Variants in ZNF256 observed in about 807,000 individuals in gnomAD.
ZNF256 encodes the protein zinc finger protein 256.
Under a neutral mutation model 7.9 loss-of-function variants are expected in ZNF256, and 4 were observed. The observed-to-expected ratio is 0.50, with a 90% CI of 0.25 to 1.15. ZNF256 has a LOEUF of 1.15. Among genes scored for constraint, ZNF256 ranks in the 50% most tolerant of loss-of-function variants. The probability of loss-of-function intolerance (pLI) is 0.15; values close to 1 mark genes in which losing one functional copy is unlikely to be tolerated. For missense variants in ZNF256, 666 were observed against 755.9 expected (o/e 0.88, Z 1.39); for synonymous variants, 260 against 260.4 (o/e 1.00, Z 0.02).
intron 1 of ZNF256, among the ~76,000 whole-genome samples, chr19:57,945,110 T>C (rs1331408396): frequency 6.6e-6 from 1 of 151,906 alleles, no homozygotes; most frequent in Admixed American, 6.6e-5. Context: ...TTAGCCAGGA[T>C]GGTCTTGATC....
chr19:57,943,955 A>G lies in ZNF256; in HGVS notation c.139T>C (p.Leu47=). The change falls in exon 2 of 3, where the codon TTG becomes CTG. Residue 47 remains leucine (L), a synonymous_variant. Coordinates refer to ENST00000282308, the MANE Select transcript of ZNF256 (RefSeq NM_005773.3). Reference sequence around the variant, plus strand: ...TTACCCAGGGAGGTTGTAAGTGTCAAGTTCTCCAGCATCACATCGTGGTAC... The same window carrying G: ...TTACCCAGGGAGGTTGTAAGTGTCAGGTTCTCCAGCATCACATCGTGGTAC... ...CLYHDVMLEN[L]TLTTSLGGSG... The G allele has an allele frequency of 6.2e-7, 1 of 1,614,052 alleles. No individual in the cohort carries two copies. Among genetic ancestry groups the G allele is most frequent in the Non-Finnish European group, 8.5e-7 (1 of 1,179,970 alleles).
intron 1 of ZNF256, 109 bp from the exon 2 acceptor site, chr19:57,944,169 G>C: frequency 6.6e-7 from 1 of 1,508,200 alleles, no homozygotes; most frequent in Non-Finnish European, 9.0e-7. Flanking sequence ...AGCTCTCCAA[G>C]CTCCCCAGCT....
At position 57,942,556 on chromosome 19, in the gene ZNF256, A is replaced by G. The variant is rs1263530232; in HGVS notation, c.252T>C (p.Pro84=). 1.9e-6 allele frequency: 3 copies of G among 1,614,066 alleles called. No homozygotes were observed. Among genetic ancestry groups the G allele is most frequent in the Non-Finnish European group, 2.5e-6 (3 of 1,180,046 alleles). Residue 84 remains proline, a synonymous_variant, in exon 3 of 3, where the codon CCT becomes CCC. Coordinates refer to ENST00000282308, the MANE Select transcript of ZNF256 (RefSeq NM_005773.3). ...VSQVRIPKAL[P]SPQKTNPCEI... ...CACAGGGGTTGGTCTTCTGGGGAGAAGGAAGGGCCTTAGGAATCCTAACCT... is the reference window on the plus strand; with the variant it reads ...CACAGGGGTTGGTCTTCTGGGGAGAGGGAAGGGCCTTAGGAATCCTAACCT...
In ZNF256 at chr19:57,941,097, C is replaced by T. The variant is rs137968069; in HGVS notation, c.1711G>A (p.Gly571Arg). The change falls in exon 3 of 3, where the codon GGA (glycine) becomes AGA (arginine). Residue 571 changes from glycine to arginine, a missense_variant. Physicochemically the swap from Gly to Arg is moderately radical, Grantham distance 125. Transcript: ENST00000282308. Reference sequence around the variant, plus strand: ...TCACTGCATTCATAAGGCCTTTCTCCGGTATGAACTCTTCGGTGTTTAACG... The same window carrying T: ...TCACTGCATTCATAAGGCCTTTCTCTGGTATGAACTCTTCGGTGTTTAACG... ...SLVKHRRVHT[G>R]ERPYECSECG... The T allele has an allele frequency of 2.4e-5, 38 of 1,614,118 alleles. No homozygotes were observed. Among genetic ancestry groups the T allele is most frequent in the South Asian group, 1.2e-4 (11 of 91,076 alleles).
At chr19:57,946,248 T>C (rs922540770) in intron 1 of ZNF256, among the ~76,000 whole-genome samples, 1 of 152,178 alleles carries the variant, frequency 6.6e-6, no homozygotes, top group African/African-American at 2.4e-5. Flanking sequence ...ACATCTTGAA[T>C]ATCTGCACCC....
intron 2 of ZNF256, among the ~76,000 whole-genome samples, chr19:57,943,130 G>C (rs568890763): frequency 5.6e-4 from 86 of 152,314 alleles, no homozygotes; most frequent in African/African-American, 1.9e-3. Flanking sequence ...TTAACCCCAG[G>C]CTGGAAGTAA....
intron 1 of ZNF256, among the ~76,000 whole-genome samples, chr19:57,946,749 G>A (rs2072768823): frequency 6.6e-6 from 1 of 152,184 alleles, no homozygotes; most frequent in Admixed American, 6.5e-5. Flanking sequence ...TTCTCAGGCA[G>A]CCACTGCAGT....
Position 57,941,603 on chromosome 19 carries a change from A to T in ZNF256, c.1205T>A (p.Ile402Asn), listed in dbSNP as rs760637300. 3 of 1,613,240 alleles carry T rather than the reference A, an allele frequency of 1.9e-6. No individual in the cohort carries two copies. The highest frequency in any genetic ancestry group is 2.5e-6 in the Non-Finnish European group (3 of 1,179,800). Residue 402 changes from isoleucine (I) to asparagine (N), a missense_variant, in exon 3 of 3, where the codon ATT (isoleucine) becomes AAT (asparagine). By Grantham distance (149) the Ile-to-Asn change is moderately radical. Transcript: ENST00000282308. ...CHLIKHRRLH[I>N]GEGPYECSEC... ...ACTACACTCATAAGGCCCTTCTCCA[A>T]TGTGAAGTCTCCGGTGTTTAATGAG...
rs368400089 is a variant in ZNF256 at position 57,941,122 on chromosome 19, G to A, written c.1686C>T (p.Leu562=). The A allele has an allele frequency of 5.3e-5, 86 of 1,613,980 alleles. No homozygotes were observed. Among genetic ancestry groups the A allele is most frequent in the Non-Finnish European group, 6.9e-5 (82 of 1,180,020 alleles). The change falls in exon 3 of 3, where the codon CTC becomes CTT. Residue 562 remains leucine (L), a synonymous_variant. Coordinates refer to ENST00000282308, the MANE Select transcript of ZNF256 (RefSeq NM_005773.3). Reference sequence around the variant, plus strand: ...CGGTATGAACTCTTCGGTGTTTAACGAGGCTAGAGTGGTTACTAAAGGATT... The same window carrying A: ...CGGTATGAACTCTTCGGTGTTTAACAAGGCTAGAGTGGTTACTAAAGGATT... ...CWKSFSNHSS[L]VKHRRVHTGE... is the part of the protein sequence containing the mutation.
chr19:57,941,380 G>A lies in ZNF256; in HGVS notation c.1428C>T (p.Ser476=). ...GAACTTTCCAGTGTGAGATGAGGTA[G>A]GATTTACAGGTAAAGGATTTTCCAC... ...SECGKSFTCK[S]YLISHWKVHT... is the part of the protein sequence containing the mutation. The change falls in exon 3 of 3, where the codon TCC becomes TCT. Residue 476 remains serine, a synonymous_variant. Transcript: ENST00000282308. 6.2e-7 allele frequency: 1 copy of A among 1,613,048 alleles called. No individual in the cohort carries two copies. The highest frequency in any genetic ancestry group is 8.5e-7 in the Non-Finnish European group (1 of 1,179,830).
In ZNF256 at chr19:57,941,639, TGGCTAAA is replaced by T; in HGVS notation, c.1162_1168del (p.Phe388ArgfsTer43). 6.2e-7 allele frequency: 1 copy of T among 1,614,062 alleles called. No individual in the cohort carries two copies. The highest frequency in any genetic ancestry group is 8.5e-7 in the Non-Finnish European group (1 of 1,180,010). ...CCGGTGTTTAATGAGGTGACAGCTC[TGGCTAAA>T]GGATTTCCCACATTCACTGCACATA... On this transcript the variant is annotated frameshift_variant, in exon 3 of 3. Coordinates refer to ENST00000282308, the MANE Select transcript of ZNF256 (RefSeq NM_005773.3). LOFTEE classifies it low-confidence loss of function (END_TRUNC).
chr19:57,945,093 C>T (rs1221363299), intron 1 of ZNF256, among the ~76,000 whole-genome samples: 2 of 151,846 alleles, frequency 1.3e-5, no homozygotes, highest in Non-Finnish European at 2.9e-5. Flanking sequence ...GAAGGGGTTT[C>T]ACCGTGTTAG....
chr19:57,942,064 A>G lies in ZNF256; in HGVS notation c.744T>C (p.Phe248=). The G allele has an allele frequency of 3.1e-6, 5 of 1,614,252 alleles. No individual in the cohort carries two copies. Among genetic ancestry groups the G allele is most frequent in the Non-Finnish European group, 4.2e-6 (5 of 1,180,048 alleles). The stretch of plus-strand genomic sequence containing the variant: ...GATCACTGAGGCTACAGCTTGTGCT[A>G]AAAGATTTCCCACATTCACTGCACA... The part of the protein sequence containing the change: ...SYMCSECGKS[F]STSCSLSDHL... The change falls in exon 3 of 3, where the codon TTT becomes TTC. Residue 248 remains phenylalanine (F), a synonymous_variant. Coordinates refer to ENST00000282308, the MANE Select transcript of ZNF256 (RefSeq NM_005773.3).
At chr19:57,947,033 G>T (rs2072770726) in intron 1 of ZNF256, among the ~76,000 whole-genome samples, 1 of 152,222 alleles carries the variant, frequency 6.6e-6, no homozygotes, top group African/African-American at 2.4e-5. Context: ...GAACCTGTGG[G>T]TGGGAGTTAG....
Position 57,941,770 on chromosome 19 carries a change from A to G in ZNF256, c.1038T>C (p.Thr346=), listed in dbSNP as rs369690721. 11 of 1,614,080 alleles carry G rather than the reference A, an allele frequency of 6.8e-6. No individual in the cohort carries two copies. In the African/African-American group the frequency reaches 1.3e-4, roughly 20 times the overall value. Residue 346 remains threonine, a synonymous_variant, in exon 3 of 3, where the codon ACT becomes ACC. Coordinates refer to ENST00000282308, the MANE Select transcript of ZNF256 (RefSeq NM_005773.3). ...SSLITHQRIH[T]GMRPYECSEC... ...CACTGCACTCATAAGGCCTCATTCC[A>G]GTATGAATTCTCTGGTGTGTAATGA...
At chr19:57,942,722 TC>T in intron 2 of ZNF256, 75 bp from the exon 3 acceptor site, 1 of 1,535,810 alleles carries the variant, frequency 6.5e-7, no homozygotes, top group Non-Finnish European at 8.8e-7. Context: ...CAAATGTGCA[TC>T]CAACAAACCC....
At chr19:57,944,825 C>T (rs181366367) in intron 1 of ZNF256, among the ~76,000 whole-genome samples, 4 of 151,806 alleles carry the variant, frequency 2.6e-5, no homozygotes, top group African/African-American at 7.3e-5. Flanking sequence ...AGCGAGACTG[C>T]GTCTCAAAGA....
chr19:57,943,494 T>A (rs890534029), intron 2 of ZNF256, among the ~76,000 whole-genome samples: 6 of 151,854 alleles, frequency 4.0e-5, no homozygotes, highest in South Asian at 2.1e-4. Context: ...GGAAAAAAAA[T>A]AATAATACAA....
chr19:57,945,140 C>G (rs529122722), intron 1 of ZNF256, among the ~76,000 whole-genome samples: 1 of 152,036 alleles, frequency 6.6e-6, no homozygotes, highest in Non-Finnish European at 1.5e-5. Context: ...TGTGAGCTGC[C>G]CGCCTCGGCC....
Sources: allele counts gnomAD v4.1 joint callset (sites outside exome capture counted in the v4.1 genomes callset), GRCh38; gene constraint gnomAD v4.1.1; transcripts MANE v1.5; gene names NCBI Gene and HGNC (gene_info 2026-07-23, HGNC 2026-07-21).